CDYL2: variants seen among roughly 807,000 people sequenced by gnomAD.
CDYL2 encodes the protein chromodomain Y like 2, also known as chromodomain Y-like protein 2.
A neutral mutation model predicts 49.4 loss-of-function variants in CDYL2; 23 were observed. The ratio of observed to expected loss-of-function variants is 0.47; its 90% CI spans 0.34 to 0.66. The LOEUF is 0.66. CDYL2 is among the 30% of genes least tolerant of loss of function. The pLI is 0.01. For missense variants in CDYL2, 678 were observed against 656.4 expected (o/e 1.03, Z -0.36); for synonymous variants, 360 against 268.8 (o/e 1.34, Z -3.32).
chr16:80,688,670 G>A (rs1318969168), intron 1 of CDYL2, among the ~76,000 whole-genome samples: 1 of 152,066 alleles, frequency 6.6e-6, no homozygotes, highest in Non-Finnish European at 1.5e-5. Context: ...TTTGATCTCC[G>A]GCATCTCTCA....
chr16:80,684,554 C>T lies in CDYL2; in HGVS notation c.600G>A (p.Leu200=), dbSNP rs745434982. The stretch of plus-strand genomic sequence containing the variant: ...GCTACAAACCGAGCCCGTTCTCCGC[C>T]AGTGTAGCGTGATTCACGTCACATT... ...MGECDVNHAT[L]AENGLGSALT... The change falls in exon 2 of 7, where the codon CTG becomes CTA. Residue 200 remains leucine, a synonymous_variant. Coordinates refer to ENST00000570137, the MANE Select transcript of CDYL2 (RefSeq NM_152342.4). The T allele has an allele frequency of 6.8e-6, 11 of 1,612,618 alleles. No individual in the cohort carries two copies. In the East Asian group the frequency reaches 2.5e-4, roughly 36 times the overall value.
chr16:80,772,435 G>A (rs375022533), intron 1 of CDYL2, among the ~76,000 whole-genome samples: 2 of 152,176 alleles, frequency 1.3e-5, no homozygotes, highest in African/African-American at 2.4e-5. Context: ...TGAATTGTCT[G>A]GGAATAGTGC....
At chr16:80,676,963 ATTTTTT>A (rs35188796) in intron 2 of CDYL2, among the ~76,000 whole-genome samples, 1 of 60,056 alleles carries the variant, frequency 1.7e-5, no homozygotes, top group Non-Finnish European at 3.7e-5. Flanking sequence ...AATTCAATGT[ATTTTTT>A]TTTTTTTTTT....
chr16:80,757,553 A>AAAAAAAAAT (rs1555535736), intron 1 of CDYL2, among the ~76,000 whole-genome samples: 1 of 143,860 alleles, frequency 7.0e-6, no homozygotes, highest in Non-Finnish European at 1.5e-5. Context: ...AAAAAAAAAA[A>AAAAAAAAAT]ATATATATAT....
chr16:80,742,254 T>A (rs1411359445), intron 1 of CDYL2: 3 of 152,210 alleles, frequency 2.0e-5, no homozygotes, highest in African/African-American at 7.2e-5. Context: ...GGAAACACTT[T>A]AACACTACCT....
intron 2 of CDYL2, among the ~76,000 whole-genome samples, chr16:80,678,225 C>G (rs1909835002): frequency 6.6e-6 from 1 of 152,148 alleles, no homozygotes; most frequent in Admixed American, 6.5e-5. Flanking sequence ...TCTAAAACAC[C>G]AAAAGCAATG....
In CDYL2 at chr16:80,804,017, C is replaced by T. The variant is rs887217351; in HGVS notation, c.24+133G>A. 1,008 of 573,138 alleles carry T rather than the reference C, an allele frequency of 1.8e-3. 7 individuals carry two copies. Among genetic ancestry groups the T allele is most frequent in the Non-Finnish European group, 2.1e-3 (948 of 459,538 alleles). 35.5% of individuals were successfully genotyped at this position (573,138 alleles called of 1,614,324 possible). On this transcript the variant is annotated intron_variant, in intron 1 of 6. Transcript: ENST00000570137. ...CCGGCCCCCGCCACCCTCCGGCCGC[C>T]GCCGCCGCCGCCGCGGGCTCGGCAA...
intron 1 of CDYL2, among the ~76,000 whole-genome samples, chr16:80,739,721 G>A (rs1366948119): frequency 6.6e-6 from 1 of 152,112 alleles, no homozygotes; most frequent in African/African-American, 2.4e-5. Context: ...GGTGTGGGAG[G>A]TGGGAGCCAG....
At chr16:80,643,285 C>T (rs1158559496) in intron 2 of CDYL2, among the ~76,000 whole-genome samples, 5 of 152,174 alleles carry the variant, frequency 3.3e-5, no homozygotes, top group African/African-American at 4.8e-5. Flanking sequence ...GGTGAGTGCC[C>T]GTGGTCTTGG....
intron 2 of CDYL2, among the ~76,000 whole-genome samples, chr16:80,635,882 C>T (rs922114468): frequency 6.6e-6 from 1 of 152,114 alleles, no homozygotes; most frequent in African/African-American, 2.4e-5. Flanking sequence ...ACCAATGGAA[C>T]AGAACAGAGG....
intron 2 of CDYL2, among the ~76,000 whole-genome samples, chr16:80,652,971 G>T (rs1908648788): frequency 6.6e-6 from 1 of 152,186 alleles, no homozygotes; most frequent in South Asian, 2.1e-4. Flanking sequence ...CCCTGAATGG[G>T]ACTCTGGAAC....
At chr16:80,606,599 C>T (rs1220697608) in intron 6 of CDYL2, among the ~76,000 whole-genome samples, 20 of 152,168 alleles carry the variant, frequency 1.3e-4, no homozygotes, top group Non-Finnish European at 2.9e-5. Context: ...ACCTGTCTCT[C>T]CATGAAGCTA....
At chr16:80,649,119 A>G (rs1908477486) in intron 2 of CDYL2, among the ~76,000 whole-genome samples, 1 of 152,196 alleles carries the variant, frequency 6.6e-6, no homozygotes, top group Non-Finnish European at 1.5e-5. Flanking sequence ...TATTCAACAT[A>G]GTACTGAAAG....
chr16:80,765,135 A>ATT (rs1906675362), intron 1 of CDYL2, among the ~76,000 whole-genome samples: 3 of 146,312 alleles, frequency 2.1e-5, no homozygotes, highest in Admixed American at 6.9e-5. Flanking sequence ...AGTACTATAT[A>ATT]ATATATAGTA....
At chr16:80,688,669 C>T (rs957409564) in intron 1 of CDYL2, among the ~76,000 whole-genome samples, 11 of 152,262 alleles carry the variant, frequency 7.2e-5, no homozygotes, top group South Asian at 2.1e-4. Context: ...CTTTGATCTC[C>T]GGCATCTCTC....
chr16:80,749,743 A>T (rs985313030), intron 1 of CDYL2, among the ~76,000 whole-genome samples: 2 of 150,286 alleles, frequency 1.3e-5, no homozygotes, highest in African/African-American at 5.0e-5. Context: ...AAAAAATTTA[A>T]AAAAAAGCAT....
chr16:80,760,972 G>A (rs566745162), intron 1 of CDYL2, among the ~76,000 whole-genome samples: 2 of 152,150 alleles, frequency 1.3e-5, no homozygotes, highest in Non-Finnish European at 2.9e-5. Context: ...AATTATTAAT[G>A]CCTGGGCAGT....
chr16:80,667,565 C>G (rs954703706), intron 2 of CDYL2, among the ~76,000 whole-genome samples: 3 of 152,154 alleles, frequency 2.0e-5, no homozygotes, highest in Non-Finnish European at 4.4e-5. Context: ...TCCATCACAG[C>G]ATGAGGTATT....
At chr16:80,643,229 T>C (rs1015376927) in intron 2 of CDYL2, among the ~76,000 whole-genome samples, 7 of 152,166 alleles carry the variant, frequency 4.6e-5, no homozygotes, top group African/African-American at 1.7e-4. Context: ...TCCAAAATGA[T>C]CTCCTTTGAC....
Sources: gnomAD v4.1 joint callset for allele counts (sites outside exome capture counted in the v4.1 genomes callset) on GRCh38, gnomAD v4.1.1 for gene constraint, MANE v1.5 for transcripts, NCBI Gene and HGNC (gene_info 2026-07-23, HGNC 2026-07-21) for gene names.